Variants in EIF4G3 observed in about 807,000 individuals in gnomAD.
EIF4G3 encodes eukaryotic translation initiation factor 4 gamma 3, also known as eIF-4-gamma 3.
Under a neutral mutation model 186.4 loss-of-function variants are expected in EIF4G3, and 34 were observed. The ratio of observed to expected loss-of-function variants is 0.18; its 90% CI spans 0.14 to 0.24. The LOEUF (loss-of-function observed/expected upper bound fraction) is 0.24, where lower values mean the gene tolerates loss of function less well. Among genes scored for constraint, EIF4G3 ranks in the 10% least tolerant of loss-of-function variants. The pLI is 1.00. For missense variants in EIF4G3, 1,536 were observed against 1,948.5 expected, an observed-to-expected ratio of 0.79 and a Z score of 3.99; for synonymous variants, 673 against 679.5, an observed-to-expected ratio of 0.99 and a Z score of 0.15.
chr1:21,149,546 CTCTAG>C (rs979084218), intron 2 of EIF4G3, among the ~76,000 whole-genome samples: 13 of 152,280 alleles, frequency 8.5e-5, no homozygotes, highest in African/African-American at 2.9e-4. Flanking sequence ...TCATGCCTAT[CTCTAG>C]TCACAGGCAG....
In EIF4G3 at chr1:20,857,611, C is replaced by G; in HGVS notation, c.3245-114G>C. 3 of 887,928 alleles carry G rather than the reference C, an allele frequency of 3.4e-6. No homozygotes were observed. In the South Asian group the frequency reaches 4.2e-5, roughly 12 times the overall value. The allele number at this position is 887,928 out of a possible 1,614,324, so 55.0% of individuals were successfully genotyped here. ...AGAAAGACAACAGAAGATGTTAAAGCATTGATGACAATATCTTTAATCCCA... is the reference window on the plus strand; with the variant it reads ...AGAAAGACAACAGAAGATGTTAAAGGATTGATGACAATATCTTTAATCCCA... On this transcript the variant is annotated intron_variant, in intron 24 of 36. Coordinates refer to ENST00000602326, the MANE Select transcript of EIF4G3 (RefSeq NM_001391906.1).
At chr1:20,872,482 T>C (rs2079492763) in intron 20 of EIF4G3, among the ~76,000 whole-genome samples, 1 of 152,174 alleles carries the variant, frequency 6.6e-6, no homozygotes, top group African/African-American at 2.4e-5. Flanking sequence ...TATAGTGGTT[T>C]TTAAGCTTTT....
chr1:21,049,174 T>C (rs1201813491), intron 4 of EIF4G3, among the ~76,000 whole-genome samples: 1 of 152,156 alleles, frequency 6.6e-6, no homozygotes, highest in East Asian at 1.9e-4. Context: ...AAGAAAGCTT[T>C]CCCCAATACT....
chr1:20,984,633 A>G (rs1211378541), intron 7 of EIF4G3, among the ~76,000 whole-genome samples: 1 of 146,132 alleles, frequency 6.8e-6, no homozygotes, highest in African/African-American at 2.6e-5. Flanking sequence ...TCTGTCTCCC[A>G]GGCTGGAGTG....
At chr1:20,828,628 T>C (rs887018418) in intron 31 of EIF4G3, among the ~76,000 whole-genome samples, 3 of 152,208 alleles carry the variant, frequency 2.0e-5, no homozygotes, top group Non-Finnish European at 4.4e-5. Context: ...GTGGAAACAC[T>C]AGTGTTTCGA....
At chr1:20,990,934 G>A (rs1339146183) in intron 7 of EIF4G3, among the ~76,000 whole-genome samples, 1 of 152,182 alleles carries the variant, frequency 6.6e-6, no homozygotes, top group African/African-American at 2.4e-5. Flanking sequence ...CCTACTAGAA[G>A]ATGAAAAACT....
intron 13 of EIF4G3, among the ~76,000 whole-genome samples, chr1:20,948,916 G>C (rs1045402025): frequency 2.0e-5 from 3 of 148,734 alleles, no homozygotes; most frequent in African/African-American, 7.5e-5. Context: ...GGCTGAGGCA[G>C]GAGAATAGCT....
intron 2 of EIF4G3, among the ~76,000 whole-genome samples, chr1:21,118,203 G>C (rs2096862174): frequency 6.6e-6 from 1 of 152,150 alleles, no homozygotes; most frequent in South Asian, 2.1e-4. Flanking sequence ...GTCTCACTAA[G>C]CACTTCACAT....
At chr1:20,986,968 T>A (rs1156331983) in intron 7 of EIF4G3, among the ~76,000 whole-genome samples, 1 of 152,160 alleles carries the variant, frequency 6.6e-6, no homozygotes, top group African/African-American at 2.4e-5. Context: ...AACTCTCATT[T>A]GAGGCAGTAT....
intron 12 of EIF4G3, among the ~76,000 whole-genome samples, chr1:20,953,503 T>C (rs2096294854): frequency 6.6e-6 from 1 of 152,224 alleles, no homozygotes; most frequent in South Asian, 2.1e-4. Flanking sequence ...TAGGCCCACA[T>C]ACTGGAGGAA....
chr1:20,970,858 G>C (rs1211444513), intron 11 of EIF4G3, among the ~76,000 whole-genome samples: 2 of 151,910 alleles, frequency 1.3e-5, no homozygotes, highest in African/African-American at 2.4e-5. Context: ...CAGCTACTTG[G>C]GAGATTGAGG....
At chr1:21,053,591 G>T (rs1191731706) in intron 3 of EIF4G3, among the ~76,000 whole-genome samples, 1 of 142,340 alleles carries the variant, frequency 7.0e-6, no homozygotes, top group Non-Finnish European at 1.6e-5. Context: ...CGGGAGGGAG[G>T]TTGGGGGGTC....
chr1:20,872,667 C>G (rs1220918584), intron 20 of EIF4G3, among the ~76,000 whole-genome samples: 2 of 150,996 alleles, frequency 1.3e-5, no homozygotes, highest in African/African-American at 4.9e-5. Context: ...AACCCCTTGT[C>G]TCCAAAGTTA....
At chr1:20,847,373 C>T (rs1233823534) in intron 29 of EIF4G3, among the ~76,000 whole-genome samples, 1 of 152,086 alleles carries the variant, frequency 6.6e-6, no homozygotes, top group Non-Finnish European at 1.5e-5. Flanking sequence ...ACGATTCTGC[C>T]CCTTCTGTAT....
chr1:21,036,737 C>T lies in EIF4G3; in HGVS notation c.-67+14129G>A, dbSNP rs543224823. 2.2e-4 allele frequency among the ~76,000 whole-genome samples: 34 copies of T among 152,110 alleles called. No homozygotes were observed. The East Asian group carries it at 5.8e-3, about 26-fold the overall frequency. Reference sequence around the variant, plus strand: ...TCTACAAAAAAATACAAAAATTAGCCAGGTGTGGTGGCATGCACCTATAGT... The same window carrying T: ...TCTACAAAAAAATACAAAAATTAGCTAGGTGTGGTGGCATGCACCTATAGT... On this transcript the variant is annotated intron_variant, in intron 4 of 36. Transcript: ENST00000602326.
intron 14 of EIF4G3, among the ~76,000 whole-genome samples, chr1:20,912,553 G>A (rs949548757): frequency 1.2e-4 from 19 of 152,098 alleles, no homozygotes; most frequent in Middle Eastern, 3.2e-3. Flanking sequence ...CTGAGACTGC[G>A]AAGACTTTCC....
intron 33 of EIF4G3, 147 bp downstream of exon 33, chr1:20,824,953 T>A (rs2063238613): frequency 2.0e-6 from 1 of 509,798 alleles, no homozygotes; most frequent in Non-Finnish European, 3.4e-6. Flanking sequence ...GGAGTGGCTT[T>A]AAAAGCATGA....
chr1:20,846,546 A>AT (rs1407008701), intron 29 of EIF4G3, among the ~76,000 whole-genome samples: 7 of 152,116 alleles, frequency 4.6e-5, no homozygotes, highest in Non-Finnish European at 1.0e-4. Context: ...CACTGAAAAC[A>AT]TTTTTTTGGT....
rs561533072 is a variant in EIF4G3, at chr1:20,856,976, C to T, written c.3339+427G>A. ...AGGAGATCGAGACCATCCTGGCTAA[C>T]ACGGTGAAACCCCGTCTCTACTAAA... is the stretch of plus-strand genomic sequence containing the variant. On this transcript the variant is annotated intron_variant, in intron 25 of 36. Coordinates refer to ENST00000602326, the MANE Select transcript of EIF4G3 (RefSeq NM_001391906.1). Among the ~76,000 whole-genome samples, 256 of 151,862 alleles carry T rather than the reference C, an allele frequency of 1.7e-3. 2 individuals are homozygous for T. The highest frequency in any genetic ancestry group is 3.4e-3 in the Middle Eastern group (1 of 294).
Sources: gnomAD v4.1 joint callset for allele counts (sites outside exome capture counted in the v4.1 genomes callset) on GRCh38, gnomAD v4.1.1 for gene constraint, MANE v1.5 for transcripts, NCBI Gene and HGNC (gene_info 2026-07-23, HGNC 2026-07-21) for gene names.